The following NDST4 variants were observed in gnomAD, a reference collection of about 807,000 sequenced individuals.
The protein encoded by NDST4 is N-heparan sulfate sulfotransferase 4.
A neutral mutation model predicts 100.8 loss-of-function variants in NDST4; 63 were observed. That is an observed-to-expected ratio of 0.62 (90% CI 0.51 to 0.77). The LOEUF (loss-of-function observed/expected upper bound fraction) is 0.77, where lower values mean the gene tolerates loss of function less well. Among genes scored for constraint, NDST4 ranks in the 30% least tolerant of loss-of-function variants. NDST4 has a pLI of 0.00. For synonymous variants in NDST4, 377 were observed against 361.8 expected, an observed-to-expected ratio of 1.04 and a Z score of -0.48; for missense variants, 943 against 1,018.4, an observed-to-expected ratio of 0.93 and a Z score of 1.01.
intron 2 of NDST4, among the ~76,000 whole-genome samples, chr4:115,017,105 T>C (rs1727695789): frequency 6.6e-6 from 1 of 152,016 alleles, no homozygotes; most frequent in Non-Finnish European, 1.5e-5. Flanking sequence ...TTCAATTAGT[T>C]ACTTGATTTT....
intron 8 of NDST4, among the ~76,000 whole-genome samples, chr4:114,850,410 T>C (rs945084259): frequency 6.6e-6 from 1 of 152,050 alleles, no homozygotes; most frequent in South Asian, 2.1e-4. Context: ...GAGCAAGCAC[T>C]CTCAACTAGA....
chr4:114,979,347 C>T (rs755035365), intron 2 of NDST4, among the ~76,000 whole-genome samples: 1 of 150,354 alleles, frequency 6.7e-6, no homozygotes, highest in Non-Finnish European at 1.5e-5. Context: ...GTCTATGCAC[C>T]TGAAGCTCCA....
chr4:114,884,808 A>C (rs1465108108), intron 6 of NDST4, among the ~76,000 whole-genome samples: 1 of 152,152 alleles, frequency 6.6e-6, no homozygotes, highest in Non-Finnish European at 1.5e-5. Context: ...ATTTTTTGAA[A>C]TATCGTGATT....
chr4:114,839,049 A>G (rs2126183105), intron 11 of NDST4, among the ~76,000 whole-genome samples: 1 of 152,310 alleles, frequency 6.6e-6, no homozygotes, highest in Middle Eastern at 3.4e-3. Flanking sequence ...GTTGTTGCCC[A>G]TAAATCACAT....
chr4:114,960,788 C>T (rs1176768563), intron 4 of NDST4, among the ~76,000 whole-genome samples: 2 of 151,804 alleles, frequency 1.3e-5, no homozygotes, highest in Non-Finnish European at 2.9e-5. Context: ...GAAGTAACAC[C>T]AAATAGTATT....
chr4:114,888,574 C>A (rs17047468), intron 6 of NDST4, among the ~76,000 whole-genome samples: 3,461 of 152,284 alleles, frequency 0.023, 141 homozygotes, highest in African/African-American at 0.079. Context: ...AATTGCATAA[C>A]TTAGAGTAAC....
At chr4:114,982,220 C>G (rs369014170) in intron 2 of NDST4, among the ~76,000 whole-genome samples, 1 of 152,196 alleles carries the variant, frequency 6.6e-6, no homozygotes, top group East Asian at 1.9e-4. Context: ...GAAGTTGGAA[C>G]AGTTTGAAGG....
At chr4:115,063,771 C>G (rs1210193457) in intron 2 of NDST4, among the ~76,000 whole-genome samples, 1 of 151,912 alleles carries the variant, frequency 6.6e-6, no homozygotes, top group Admixed American at 6.6e-5. Context: ...GATTTAAGGA[C>G]TCTTATAAAA....
At chr4:115,089,843 AGTTTAC>A (rs1729480826) in intron 1 of NDST4, among the ~76,000 whole-genome samples, 1 of 151,866 alleles carries the variant, frequency 6.6e-6, no homozygotes, top group Admixed American at 6.6e-5. Context: ...ATTATCTCTA[AGTTTAC>A]TGATTATCAA....
intron 6 of NDST4, among the ~76,000 whole-genome samples, chr4:114,917,132 A>G (rs1237407356): frequency 6.6e-6 from 1 of 152,114 alleles, no homozygotes; most frequent in African/African-American, 2.4e-5. Context: ...ATATATTTAA[A>G]TCATCTCTAG....
intron 4 of NDST4, among the ~76,000 whole-genome samples, chr4:114,959,888 T>C (rs1055406042): frequency 6.6e-6 from 1 of 152,174 alleles, no homozygotes; most frequent in African/African-American, 2.4e-5. Flanking sequence ...AATTATTTCC[T>C]AAAAACTTTG....
At chr4:114,997,600 T>A (rs550238756) in intron 2 of NDST4, among the ~76,000 whole-genome samples, 1 of 152,066 alleles carries the variant, frequency 6.6e-6, no homozygotes, top group Admixed American at 6.6e-5. Context: ...TTCAGTCTTG[T>A]ATTGTTTTTG....
At chr4:115,008,038 T>C (rs1200999680) in intron 2 of NDST4, among the ~76,000 whole-genome samples, 1 of 129,932 alleles carries the variant, frequency 7.7e-6, no homozygotes, top group African/African-American at 2.9e-5. Flanking sequence ...ACCCTGGGAA[T>C]GACCTACAGG....
intron 2 of NDST4, among the ~76,000 whole-genome samples, chr4:114,991,629 C>T (rs1727043032): frequency 6.6e-6 from 1 of 151,876 alleles, no homozygotes; most frequent in Admixed American, 6.6e-5. Flanking sequence ...CCTCTAGCCA[C>T]AAGAGAAAAG....
intron 2 of NDST4, among the ~76,000 whole-genome samples, chr4:114,989,883 A>G (rs1726998367): frequency 6.6e-6 from 1 of 152,210 alleles, no homozygotes; most frequent in Non-Finnish European, 1.5e-5. Context: ...GGCTTTATGT[A>G]TCAGATGAAC....
intron 2 of NDST4, among the ~76,000 whole-genome samples, chr4:115,024,239 G>A (rs1342924305): frequency 1.3e-5 from 2 of 152,120 alleles, no homozygotes; most frequent in East Asian, 3.9e-4. Flanking sequence ...AGCCATGAAG[G>A]TGGGGTCACC....
chr4:115,077,353 T>A (rs137907875), intron 1 of NDST4, 71 bp from the exon 2 acceptor site: 1 of 165,470 alleles, frequency 6.0e-6, no homozygotes, highest in East Asian at 1.7e-4. Context: ...ATATAAATGC[T>A]GATGCTCAAG....
intron 5 of NDST4, 135 bp from the exon 6 acceptor site, chr4:114,935,469 A>C: frequency 1.4e-6 from 1 of 729,084 alleles, no homozygotes; most frequent in Non-Finnish European, 2.0e-6. Flanking sequence ...ATCTTATTAT[A>C]ATCACAAGTT....
intron 5 of NDST4, 91 bp downstream of exon 5, chr4:114,937,227 C>T (rs757186016): frequency 3.7e-4 from 486 of 1,312,400 alleles, no homozygotes; most frequent in Non-Finnish European, 4.3e-4. Context: ...AAAAGAGGTT[C>T]GAGGTTACAT....
Sources: allele counts gnomAD v4.1 joint callset (sites outside exome capture counted in the v4.1 genomes callset), GRCh38; gene constraint gnomAD v4.1.1; transcripts MANE v1.5; gene names NCBI Gene and HGNC (gene_info 2026-07-23, HGNC 2026-07-21).